MRAP2: variants seen among roughly 807,000 people sequenced by gnomAD.
MRAP2 encodes melanocortin 2 receptor accessory protein 2, also known as melanocortin-2 receptor accessory protein 2.
Under a neutral mutation model 17.4 loss-of-function variants are expected in MRAP2, and 20 were observed. The observed-to-expected ratio is 1.15, with a 90% CI of 0.81 to 1.67. The LOEUF is 1.67. Among genes scored for constraint, MRAP2 ranks in the 40% most tolerant of loss-of-function variants. MRAP2 has a pLI of 0.00. For missense variants in MRAP2, 238 were observed against 240.0 expected (o/e 0.99, Z 0.05); for synonymous variants, 96 against 88.4 (o/e 1.09, Z -0.48).
At chr6:84,054,640 G>A (rs2099491251) in intron 1 of MRAP2, among the ~76,000 whole-genome samples, 1 of 152,214 alleles carries the variant, frequency 6.6e-6, no homozygotes, top group African/African-American at 2.4e-5. Flanking sequence ...TTGTTGCATA[G>A]TAGGTGTTGA....
chr6:84,086,555 T>C (rs1284318182), intron 3 of MRAP2, among the ~76,000 whole-genome samples: 1 of 152,116 alleles, frequency 6.6e-6, no homozygotes, highest in Non-Finnish European at 1.5e-5. Flanking sequence ...AAGAAACAAA[T>C]AAAAGTCAAG....
At chr6:84,141,145 A>G in the MRAP2 span, among the ~76,000 whole-genome samples, 2 of 152,202 alleles carry the variant, frequency 1.3e-5, no homozygotes, top group African/African-American at 4.8e-5. Flanking sequence ...GGTTCCTAAC[A>G]GGCCATGAAC....
chr6:84,089,286 C>T lies in MRAP2; in HGVS notation c.423C>T (p.Asp141=), dbSNP rs145072804. The T allele has an allele frequency of 2.5e-5, 41 of 1,614,058 alleles. No homozygotes were observed. Among genetic ancestry groups the T allele is most frequent in the African/African-American group, 4.0e-5 (3 of 74,916 alleles). Residue 141 remains aspartate, a synonymous_variant, in exon 4 of 4, where the codon GAC becomes GAT. Coordinates refer to ENST00000257776, the MANE Select transcript of MRAP2 (RefSeq NM_138409.4). The stretch of plus-strand genomic sequence containing the variant: ...ACCAGACCACAGCCCTTGACAGTGA[C>T]GTCCAACTCCAGGAAGCCATCAGAA... ...ACHQTTALDS[D]VQLQEAIRSS...
intron 1 of MRAP2, among the ~76,000 whole-genome samples, chr6:84,041,151 G>A (rs1332365548): frequency 6.6e-6 from 1 of 152,176 alleles, no homozygotes. Context: ...GCATACAAAG[G>A]GGCCAAGGTA....
the MRAP2 span, chr6:84,126,457 A>G: frequency 1.3e-6 from 2 of 1,584,334 alleles, no homozygotes; most frequent in South Asian, 1.1e-5. Flanking sequence ...GAAATGTTTC[A>G]TCTCTGGTGT....
At chr6:84,112,116 C>T in the MRAP2 span, among the ~76,000 whole-genome samples, 1 of 152,088 alleles carries the variant, frequency 6.6e-6, no homozygotes, top group Non-Finnish European at 1.5e-5. Flanking sequence ...TGCTGGCCTC[C>T]TCAAATGAGT....
chr6:84,039,896 C>T (rs1004806522), intron 1 of MRAP2, among the ~76,000 whole-genome samples: 1 of 152,140 alleles, frequency 6.6e-6, no homozygotes, highest in Non-Finnish European at 1.5e-5. Flanking sequence ...TTTCTACAAA[C>T]CTTTGTATAG....
chr6:84,058,837 G>T (rs142298834), intron 2 of MRAP2, among the ~76,000 whole-genome samples: 28 of 152,226 alleles, frequency 1.8e-4, no homozygotes, highest in African/African-American at 6.8e-4. Flanking sequence ...ATTAGGTCAA[G>T]TTAATTGAAG....
chr6:84,074,286 G>A (rs564005994), intron 3 of MRAP2, among the ~76,000 whole-genome samples: 1 of 152,304 alleles, frequency 6.6e-6, no homozygotes. Flanking sequence ...TCCTGGTGAT[G>A]GGTCAGAAGG....
the MRAP2 span, among the ~76,000 whole-genome samples, chr6:84,139,483 C>T: frequency 6.6e-6 from 1 of 152,152 alleles, no homozygotes; most frequent in Admixed American, 6.5e-5. Context: ...CCTGTCCCAA[C>T]AGGAACTCAC....
chr6:84,064,965 C>T (rs1480158460), intron 3 of MRAP2, among the ~76,000 whole-genome samples: 1 of 152,116 alleles, frequency 6.6e-6, no homozygotes, highest in South Asian at 2.1e-4. Flanking sequence ...TCAGCTATTT[C>T]TAGATATCAG....
the MRAP2 span, among the ~76,000 whole-genome samples, chr6:84,141,772 C>T: frequency 1.3e-5 from 2 of 152,168 alleles, no homozygotes; most frequent in African/African-American, 2.4e-5. Flanking sequence ...GCTGTACCTA[C>T]ACTCCACCTA....
intron 3 of MRAP2, among the ~76,000 whole-genome samples, chr6:84,077,601 G>T (rs2099497931): frequency 6.6e-6 from 1 of 152,116 alleles, no homozygotes; most frequent in African/African-American, 2.4e-5. Context: ...GAAAATTTCA[G>T]AGTACAGGTC....
At chr6:84,085,289 C>T (rs183951815) in intron 3 of MRAP2, among the ~76,000 whole-genome samples, 40 of 152,168 alleles carry the variant, frequency 2.6e-4, no homozygotes, top group Admixed American at 2.0e-4. Context: ...CTCCTGACCT[C>T]GTGATCCGCC....
the MRAP2 span, chr6:84,126,397 CT>C: frequency 6.3e-7 from 1 of 1,598,634 alleles, no homozygotes. Context: ...TTCCTGTTCT[CT>C]TTGTGCATGT....
the MRAP2 span, among the ~76,000 whole-genome samples, chr6:84,137,168 A>G: frequency 1.3e-5 from 2 of 152,240 alleles, no homozygotes; most frequent in African/African-American, 2.4e-5. Flanking sequence ...CTGGACAACT[A>G]TATGAACTGC....
At chr6:84,107,709 G>A in the MRAP2 span, among the ~76,000 whole-genome samples, 4,133 of 152,286 alleles carry the variant, frequency 0.027, 170 homozygotes, top group African/African-American at 0.092. Flanking sequence ...GTAGGACAGT[G>A]AAGGTGTATT....
chr6:84,139,805 A>G, the MRAP2 span, among the ~76,000 whole-genome samples: 557 of 152,148 alleles, frequency 3.7e-3, 1 homozygote, highest in Middle Eastern at 0.014. Flanking sequence ...ATTGGTTATT[A>G]TTTTTAGCCT....
intron 2 of MRAP2, among the ~76,000 whole-genome samples, chr6:84,055,951 T>G (rs939033568): frequency 3.9e-5 from 6 of 152,150 alleles, no homozygotes; most frequent in African/African-American, 1.4e-4. Context: ...AGGCATGAAT[T>G]GTGTTTCATG....
Sources: gnomAD v4.1 joint callset for allele counts (sites outside exome capture counted in the v4.1 genomes callset) on GRCh38, gnomAD v4.1.1 for gene constraint, MANE v1.5 for transcripts, NCBI Gene and HGNC (gene_info 2026-07-23, HGNC 2026-07-21) for gene names.